The following PDXK variants were observed in gnomAD, a reference collection of about 807,000 sequenced individuals.
PDXK encodes the protein epididymis secretory sperm binding protein Li 1a.
In PDXK, 15 loss-of-function variants were observed where a neutral mutation model predicts 43.2. The observed-to-expected ratio is 0.35, with a 90% CI of 0.23 to 0.53. The LOEUF (loss-of-function observed/expected upper bound fraction) is 0.53. Among genes scored for constraint, PDXK ranks in the 20% least tolerant of loss-of-function variants. The pLI is 0.92. For synonymous variants in PDXK, 172 were observed against 165.4 expected (o/e 1.04, Z -0.31); for missense variants, 343 against 417.0 (o/e 0.82, Z 1.54).
chr21:43,722,648 G>C (rs1256799477), intron 1 of PDXK, among the ~76,000 whole-genome samples: 1 of 151,926 alleles, frequency 6.6e-6, no homozygotes, highest in Non-Finnish European at 1.5e-5. Context: ...GTCCTTCCCG[G>C]CCTCTTCCAG....
chr21:43,753,535 G>A (rs773908726), intron 8 of PDXK, 48 bp from the exon 9 acceptor site: 3 of 1,573,886 alleles, frequency 1.9e-6, no homozygotes, highest in South Asian at 2.3e-5. Flanking sequence ...GCTGGCCCTG[G>A]CAGAGGAGCG....
chr21:43,719,522 G>A, intron 1 of PDXK, 141 bp downstream of exon 1: 1 of 1,333,018 alleles, frequency 7.5e-7, no homozygotes, highest in Non-Finnish European at 9.8e-7. Context: ...AGGCAGGCGC[G>A]GGATGAGCCT....
chr21:43,725,364 A>AT (rs894931370), intron 1 of PDXK, among the ~76,000 whole-genome samples: 8 of 151,876 alleles, frequency 5.3e-5, no homozygotes, highest in African/African-American at 1.7e-4. Flanking sequence ...AAATCTTTAC[A>AT]TTTTTTCTTA....
In PDXK at chr21:43,730,252, A is replaced by T. The variant is rs187077579; in HGVS notation, c.88-3817A>T. On this transcript the variant is annotated intron_variant, in intron 1 of 10. Coordinates refer to ENST00000291565, the MANE Select transcript of PDXK (RefSeq NM_003681.5). ...GTGATTCTCCTGCCTTAGCCTCCTG[A>T]GTAGCTGGGACTACAGGCACGAGCC... Among the ~76,000 whole-genome samples the T allele has an allele frequency of 6.6e-5, 10 of 152,044 alleles. No homozygotes were observed. The East Asian group carries it at 1.9e-3, about 30-fold the overall frequency.
At chr21:43,751,161 C>T (rs1185689541) in intron 7 of PDXK, among the ~76,000 whole-genome samples, 2 of 152,166 alleles carry the variant, frequency 1.3e-5, no homozygotes, top group South Asian at 2.1e-4. Flanking sequence ...ACTTGGAGAC[C>T]GTGCGTGTCT....
chr21:43,745,155 C>T (rs1431402314), intron 4 of PDXK, among the ~76,000 whole-genome samples: 2 of 152,180 alleles, frequency 1.3e-5, no homozygotes, highest in African/African-American at 2.4e-5. Context: ...TGTGGTGGCT[C>T]ACGCCTGGAA....
At chr21:43,731,674 AGCCCGCTGG>A (rs2083319937) in intron 1 of PDXK, among the ~76,000 whole-genome samples, 2 of 148,802 alleles carry the variant, frequency 1.3e-5, no homozygotes, top group African/African-American at 5.2e-5. Context: ...AGAGCCCAGC[AGCCCGCTGG>A]GCTGAACCTT....
intron 5 of PDXK, chr21:43,748,269 AC>A (rs1251847917): frequency 6.6e-6 from 1 of 152,210 alleles, no homozygotes; most frequent in Non-Finnish European, 1.5e-5. Flanking sequence ...AGGCGGGTGG[AC>A]CACCTGAGGT....
In PDXK at chr21:43,732,670, A is replaced by C. The variant is rs1198176831; in HGVS notation, c.88-1399A>C. Reference sequence around the variant, plus strand: ...TCGGTTAGAATTTTAAAGGATTTGAAATACTGCAAGCTATCTGTGTATAGA... The same window carrying C: ...TCGGTTAGAATTTTAAAGGATTTGACATACTGCAAGCTATCTGTGTATAGA... On this transcript the variant is annotated intron_variant, in intron 1 of 10. Transcript: ENST00000291565. The surrounding 1 kb of genome is among the most constrained non-coding windows in gnomAD (Gnocchi z 4.1). 1 of 776,888 alleles carries C rather than the reference A, an allele frequency of 1.3e-6. No individual in the cohort carries two copies. Among genetic ancestry groups the C allele is most frequent in the Admixed American group, 1.7e-5 (1 of 58,886 alleles). 48.1% of individuals were successfully genotyped at this position (776,888 alleles called of 1,614,324 possible). A position where few individuals can be genotyped will look rare whatever the true frequency, so the allele number is the denominator to read the frequency against.
rs181687533 is a variant in PDXK at position 43,741,806 on chromosome 21, G to A, written c.247+35G>A. ...GGAGCAAGCTGCCGCAGGGGACTAC[G>A]CACCCCACTCCAGCCAGGGTGGGCT... On this transcript the variant is annotated intron_variant, in intron 3 of 10. Coordinates refer to ENST00000291565, the MANE Select transcript of PDXK (RefSeq NM_003681.5). 2.1e-3 allele frequency: 2,948 copies of A among 1,391,240 alleles called. 8 individuals are homozygous for A. The highest frequency in any genetic ancestry group is 6.0e-3 in the African/African-American group (427 of 70,744). The allele number at this position is 1,391,240 out of a possible 1,614,324, so 86.2% of individuals were successfully genotyped here. A position where few individuals can be genotyped will look rare whatever the true frequency, so the allele number is the denominator to read the frequency against.
Position 43,735,030 on chromosome 21 carries a change from C to T in PDXK, c.142+907C>T, listed in dbSNP as rs183358233. Among the ~76,000 whole-genome samples, 7 of 152,320 alleles carry T rather than the reference C, an allele frequency of 4.6e-5. No individual in the cohort carries two copies. The East Asian group carries it at 1.2e-3, about 25-fold the overall frequency. On this transcript the variant is annotated intron_variant, in intron 2 of 10. Coordinates refer to ENST00000291565, the MANE Select transcript of PDXK (RefSeq NM_003681.5). This position sits in a 1 kb window ranked among gnomAD's most constrained non-coding sequence, Gnocchi z 5.3. ...GGTTTCTTTTGAGGTGGGCATGACA[C>T]GTGCTAAGTGAGAGGAAAGAGTTGC...
chr21:43,753,672 G>T lies in PDXK; in HGVS notation c.712G>T (p.Ala238Ser). 6.2e-7 allele frequency: 1 copy of T among 1,613,760 alleles called. No homozygotes were observed. Among genetic ancestry groups the T allele is most frequent in the Non-Finnish European group, 8.5e-7 (1 of 1,179,808 alleles). The change falls in exon 9 of 11, where the codon GCT becomes TCT. Residue 238 changes from alanine to serine, a missense_variant. Transcript: ENST00000291565. ...AVFVGTGDLFAAMLLAWTHKH... is the reference protein window; with the variant it reads ...AVFVGTGDLFSAMLLAWTHKH... ...CTTTGTGGGCACTGGGGACCTGTTTGCTGCCATGCTCCTGGCGTGGACACA... is the reference window on the plus strand; with the variant it reads ...CTTTGTGGGCACTGGGGACCTGTTTTCTGCCATGCTCCTGGCGTGGACACA...
chr21:43,737,157 A>AAAG lies in PDXK; in HGVS notation c.142+3035_142+3037dup, dbSNP rs1198233179. ...GCAGCTTCTGCCTGGGATGGGCCAC[A>AAAG]AAGCCAGACTCCCGGCAGGGACACG... On this transcript the variant is annotated intron_variant, in intron 2 of 10. Transcript: ENST00000291565. This position sits in a 1 kb window ranked among gnomAD's most constrained non-coding sequence, Gnocchi z 4.8. 6.9e-6 allele frequency: 10 copies of AAAG among 1,451,972 alleles called. No individual in the cohort carries two copies. The East Asian group carries it at 2.5e-4, about 36-fold the overall frequency. 89.9% of individuals were successfully genotyped at this position (1,451,972 alleles called of 1,614,324 possible). A position where few individuals can be genotyped will look rare whatever the true frequency, so the allele number is the denominator to read the frequency against.
At position 43,732,119 on chromosome 21, in the gene PDXK, G is replaced by C; in HGVS notation, c.88-1950G>C. ...CGGGGGAAGAAGAGCACTGCTGACAGAAGCCCATTCTCTTCGCAGGCTTCA... is the reference window on the plus strand; with the variant it reads ...CGGGGGAAGAAGAGCACTGCTGACACAAGCCCATTCTCTTCGCAGGCTTCA... On this transcript the variant is annotated intron_variant, in intron 1 of 10. Coordinates refer to ENST00000291565, the MANE Select transcript of PDXK (RefSeq NM_003681.5). This position sits in a 1 kb window ranked among gnomAD's most constrained non-coding sequence, Gnocchi z 4.1. 7.6e-7 allele frequency: 1 copy of C among 1,318,262 alleles called. No homozygotes were observed. Among genetic ancestry groups the C allele is most frequent in the Non-Finnish European group, 9.7e-7 (1 of 1,032,266 alleles). The allele number at this position is 1,318,262 out of a possible 1,614,324, so 81.7% of individuals were successfully genotyped here.
At chr21:43,724,431 G>T (rs1316133960) in intron 1 of PDXK, among the ~76,000 whole-genome samples, 2 of 152,188 alleles carry the variant, frequency 1.3e-5, no homozygotes, top group African/African-American at 4.8e-5. Context: ...CAGCACTTGA[G>T]CAGCATGTGG....
Position 43,736,964 on chromosome 21 carries a change from G to A in PDXK, c.142+2841G>A, listed in dbSNP as rs528762758. 51 of 701,454 alleles carry A rather than the reference G, an allele frequency of 7.3e-5. 1 individual carries two copies. Among genetic ancestry groups the A allele is most frequent in the South Asian group, 6.2e-4 (42 of 67,538 alleles). 43.5% of individuals were successfully genotyped at this position (701,454 alleles called of 1,614,324 possible). A position where few individuals can be genotyped will look rare whatever the true frequency, so the allele number is the denominator to read the frequency against. ...TTTTTTCTTTTTTAGAGACAAGGTC[G>A]GTCTCTGTCGCCCAGGCTGGCGTGA... On this transcript the variant is annotated intron_variant, in intron 2 of 10. Coordinates refer to ENST00000291565, the MANE Select transcript of PDXK (RefSeq NM_003681.5).
intron 3 of PDXK, among the ~76,000 whole-genome samples, chr21:43,742,640 G>T (rs2083557152): frequency 6.6e-6 from 1 of 152,198 alleles, no homozygotes; most frequent in Non-Finnish European, 1.5e-5. Context: ...ACTTTGGGAA[G>T]ACTAGGAGGG....
chr21:43,742,039 G>C (rs557088213), intron 3 of PDXK, among the ~76,000 whole-genome samples: 1 of 152,136 alleles, frequency 6.6e-6, no homozygotes, highest in Non-Finnish European at 1.5e-5. Context: ...CCAGGGGAGG[G>C]TGCAGGCAGG....
Position 43,762,147 on chromosome 21 carries a change from G to C in PDXK, c.*6084G>C, listed in dbSNP as rs939132976. ...AGGGAGTGCGGCCTCTGCAAGGTTC[G>C]GGGGTGGCTTCGTTTGCCTGGAGTG... On this transcript the variant is annotated 3_prime_UTR_variant, in exon 11 of 11. Transcript: ENST00000291565. 1 of 153,290 alleles carries C rather than the reference G, an allele frequency of 6.5e-6. No homozygotes were observed. The highest frequency in any genetic ancestry group is 6.5e-5 in the Admixed American group (1 of 15,284). 9.5% of individuals were successfully genotyped at this position (153,290 alleles called of 1,614,324 possible).
Sources: gnomAD v4.1 joint callset for allele counts (sites outside exome capture counted in the v4.1 genomes callset) on GRCh38, gnomAD v4.1.1 for gene constraint, Gnocchi (gnomAD v3.1) non-coding constraint, MANE v1.5 for transcripts, NCBI Gene and HGNC (gene_info 2026-07-23, HGNC 2026-07-21) for gene names.